Variants in PRPS2 observed in about 807,000 individuals in gnomAD.
The protein encoded by PRPS2 is ribose-phosphate pyrophosphokinase 2.
For synonymous variants in PRPS2, 111 were observed against 115.3 expected, an observed-to-expected ratio of 0.96 and a Z score of 0.24; for missense variants, 104 against 271.5, an observed-to-expected ratio of 0.38 and a Z score of 4.34.
At chrX:12,822,330 G>A (rs983485061) in intron 6 of PRPS2, among the ~76,000 whole-genome samples, 1 of 112,277 alleles carries the variant, frequency 8.9e-6, no homozygotes, top group Non-Finnish European at 1.9e-5. Context: ...TCACAGTTGT[G>A]CTCTTAAATG....
chrX:12,798,670 G>C lies in PRPS2; in HGVS notation c.123-537G>C, dbSNP rs1193809163. On this transcript the variant is annotated intron_variant, in intron 1 of 6. Coordinates refer to ENST00000380668, the MANE Select transcript of PRPS2 (RefSeq NM_002765.5). Reference sequence around the variant, plus strand: ...ATTAGCAGGCCTGAGACTTAGGCCTGTTCGCAAGGTTGGCCCTTGGCTGGC... The same window carrying C: ...ATTAGCAGGCCTGAGACTTAGGCCTCTTCGCAAGGTTGGCCCTTGGCTGGC... Among the ~76,000 whole-genome samples the C allele has an allele frequency of 4.5e-5, 5 of 112,042 alleles. No individual in the cohort carries two copies. The Admixed American group carries it at 4.7e-4, about 11-fold the overall frequency.
chrX:12,791,645 T>G, intron 1 of PRPS2, 26 bp downstream of exon 1: 1 of 1,044,084 alleles, frequency 9.6e-7, no homozygotes, highest in Non-Finnish European at 1.2e-6. Context: ...GCGGCCGGGC[T>G]AGGGAGAGCG....
chrX:12,793,063 G>A (rs149318671), intron 1 of PRPS2, among the ~76,000 whole-genome samples: 3,076 of 112,308 alleles, frequency 0.027, 108 homozygotes, highest in African/African-American at 0.094. Flanking sequence ...TGAGAGGATG[G>A]TCTAGGGCTC....
intron 2 of PRPS2, among the ~76,000 whole-genome samples, chrX:12,808,024 C>T (rs946417614): frequency 1.8e-5 from 2 of 109,642 alleles, no homozygotes; most frequent in Non-Finnish European, 3.8e-5. Context: ...CCCGCCACCA[C>T]GCCTGGCTAA....
chrX:12,810,931 A>T (rs1057319187), intron 4 of PRPS2, among the ~76,000 whole-genome samples: 1 of 111,903 alleles, frequency 8.9e-6, no homozygotes, highest in Non-Finnish European at 1.9e-5. Flanking sequence ...GGGAAAGCCC[A>T]TCTTTACCTC....
chrX:12,810,293 A>G, intron 4 of PRPS2, 147 bp downstream of exon 4: 1 of 726,582 alleles, frequency 1.4e-6, no homozygotes, highest in Non-Finnish European at 2.0e-6. Context: ...CTTCACTTCC[A>G]GAGCAGAAAC....
chrX:12,818,969 A>C (rs923543252), intron 4 of PRPS2, among the ~76,000 whole-genome samples: 47 of 111,314 alleles, frequency 4.2e-4, no homozygotes, highest in African/African-American at 1.5e-3. Flanking sequence ...AGCTGGGCCT[A>C]CAGGCACGAT....
chrX:12,807,107 A>G (rs67345511), intron 2 of PRPS2, among the ~76,000 whole-genome samples: 25,320 of 104,896 alleles, frequency 0.24, 2,328 homozygotes, highest in Non-Finnish European at 0.31. Flanking sequence ...GGGGAAAAAA[A>G]GGACAAAAAT....
intron 2 of PRPS2, among the ~76,000 whole-genome samples, chrX:12,801,785 T>A (rs2042571729): frequency 1.8e-5 from 2 of 111,944 alleles, no homozygotes; most frequent in African/African-American, 6.5e-5. Flanking sequence ...ATTTTTGTAT[T>A]TTTGGTAGAG....
intron 4 of PRPS2, among the ~76,000 whole-genome samples, chrX:12,812,901 C>T (rs2042631031): frequency 9.0e-6 from 1 of 111,715 alleles, no homozygotes; most frequent in Admixed American, 9.5e-5. Flanking sequence ...TAGTATAGAA[C>T]ATGGCCTTTG....
At chrX:12,796,056 T>C (rs1274003046) in intron 1 of PRPS2, among the ~76,000 whole-genome samples, 9 of 111,215 alleles carry the variant, frequency 8.1e-5, no homozygotes. Flanking sequence ...TTCTTTAAAA[T>C]TTTTTTTAGA....
chrX:12,818,314 G>C (rs747555722), intron 4 of PRPS2, among the ~76,000 whole-genome samples: 10 of 103,022 alleles, frequency 9.7e-5, no homozygotes, highest in Non-Finnish European at 2.0e-4. Context: ...GTTGCAGTGA[G>C]CCGAGATTGT....
intron 1 of PRPS2, among the ~76,000 whole-genome samples, 188 bp downstream of exon 1, chrX:12,791,807 G>A (rs1330390025): frequency 9.0e-6 from 1 of 110,949 alleles, no homozygotes; most frequent in African/African-American, 3.2e-5. Flanking sequence ...GCGGGGCGCC[G>A]CGCGTCCCGA....
At chrX:12,799,957 T>C (rs907002372) in intron 2 of PRPS2, among the ~76,000 whole-genome samples, 2 of 112,346 alleles carry the variant, frequency 1.8e-5, no homozygotes, top group African/African-American at 6.5e-5. Context: ...CATTGAATTA[T>C]GTTTTTCACA....
Position 12,795,847 on chromosome X carries a change from T to C in PRPS2, c.123-3360T>C, listed in dbSNP as rs138120663. On this transcript the variant is annotated intron_variant, in intron 1 of 6. Coordinates refer to ENST00000380668, the MANE Select transcript of PRPS2 (RefSeq NM_002765.5). Reference sequence around the variant, plus strand: ...AATTAAGTTTATGTCATAGTTGATGTAGTGTTCACAAAGCAGTTAGATTTA... The same window carrying C: ...AATTAAGTTTATGTCATAGTTGATGCAGTGTTCACAAAGCAGTTAGATTTA... Among the ~76,000 whole-genome samples, 375 of 111,946 alleles carry C rather than the reference T, an allele frequency of 3.3e-3. 1 individual carries two copies. The highest frequency in any genetic ancestry group is 0.012 in the African/African-American group (361 of 30,782).
intron 4 of PRPS2, among the ~76,000 whole-genome samples, chrX:12,811,572 C>T (rs1326417625): frequency 9.0e-6 from 1 of 111,463 alleles, no homozygotes; most frequent in Non-Finnish European, 1.9e-5. Flanking sequence ...GTAGGAGAGA[C>T]TTCTACCCCC....
chrX:12,808,902 T>C (rs2042608552), intron 2 of PRPS2, among the ~76,000 whole-genome samples: 1 of 111,874 alleles, frequency 8.9e-6, no homozygotes, highest in Non-Finnish European at 1.9e-5. Flanking sequence ...ATCATCTCTC[T>C]CTCTCGGTAC....
At chrX:12,817,242 A>G (rs1358246688) in intron 4 of PRPS2, among the ~76,000 whole-genome samples, 1 of 110,940 alleles carries the variant, frequency 9.0e-6, no homozygotes, top group Non-Finnish European at 1.9e-5. Context: ...GAAGGAACAT[A>G]TTTGCAAAAA....
At chrX:12,806,952 G>A (rs911244781) in intron 2 of PRPS2, among the ~76,000 whole-genome samples, 6 of 111,312 alleles carry the variant, frequency 5.4e-5, no homozygotes, top group African/African-American at 1.3e-4. Context: ...GCCGGTTGTG[G>A]TGGCGCATGC....
Sources: allele counts gnomAD v4.1 joint callset (sites outside exome capture counted in the v4.1 genomes callset), GRCh38; gene constraint gnomAD v4.1.1; transcripts MANE v1.5; gene names NCBI Gene and HGNC (gene_info 2026-07-23, HGNC 2026-07-21).